The following HMCN2 variants were observed in gnomAD, a reference collection of about 807,000 sequenced individuals.
The protein encoded by HMCN2 is hemicentin-2.
Under a neutral mutation model 377.5 loss-of-function variants are expected in HMCN2, and 325 were observed. The observed-to-expected ratio is 0.86, with a 90% CI of 0.79 to 0.94. The LOEUF is 0.94. Among genes scored for constraint, HMCN2 ranks in the 40% least tolerant of loss-of-function variants. The pLI is 0.00. For missense variants in HMCN2, 4,543 were observed against 4,725.3 expected (o/e 0.96, Z 1.13); for synonymous variants, 2,007 against 2,046.8 (o/e 0.98, Z 0.53).
rs1303167472 is a variant in HMCN2, at chr9:130,403,250, G to T, written c.11935G>T (p.Val3979Leu). The change falls in exon 79 of 98, where the codon GTG becomes TTG. Residue 3979 changes from valine (V) to leucine (L), a missense_variant. Physicochemically the swap from Val to Leu is conservative, Grantham distance 32 (BLOSUM62 1). This residue lies in a region of HMCN2 where 1,073 missense variants were observed against 1,319.5 expected (regional missense o/e 0.81). Transcript: ENST00000683500. The stretch of plus-strand genomic sequence containing the variant: ...GGTTCGGGCAGTGGCAGAGGAGGAG[G>T]TGCTGCTGCCCTGCGAGGCCTCAGG... ...SVVRAVAEEE[V>L]LLPCEASGIP... 1 of 1,289,830 alleles carries T rather than the reference G, an allele frequency of 7.8e-7. No individual in the cohort carries two copies. The highest frequency in any genetic ancestry group is 2.3e-5 in the Admixed American group (1 of 43,558). 79.9% of individuals were successfully genotyped at this position (1,289,830 alleles called of 1,614,324 possible).
chr9:130,350,551 C>T (rs1839654616), intron 29 of HMCN2, among the ~76,000 whole-genome samples: 1 of 147,026 alleles, frequency 6.8e-6, no homozygotes, highest in Admixed American at 6.8e-5. Context: ...AGCAAGACTC[C>T]GTCCAAAAAA....
intron 25 of HMCN2, among the ~76,000 whole-genome samples, chr9:130,345,342 T>TTGTG (rs1554948913): frequency 2.1e-5 from 3 of 144,164 alleles, no homozygotes; most frequent in African/African-American, 2.6e-5. Context: ...GTGTGTATGT[T>TTGTG]TGTGGTGTGT....
chr9:130,367,399 CT>C (rs1840753363), intron 43 of HMCN2, among the ~76,000 whole-genome samples: 1 of 152,126 alleles, frequency 6.6e-6, no homozygotes, highest in Admixed American at 6.5e-5. Context: ...ACTGGGTCTG[CT>C]TCCCTGATGG....
chr9:130,433,148 C>T (rs1844864383), intron 97 of HMCN2, 200 bp from the exon 98 acceptor site: 2 of 493,078 alleles, frequency 4.1e-6, no homozygotes, highest in Non-Finnish European at 3.5e-6. Context: ...CCTCTGGCTT[C>T]TCTGGGCTTC....
At position 130,349,020 on chromosome 9, in the gene HMCN2, G is replaced by C; in HGVS notation, c.4192G>C (p.Gly1398Arg). The change falls in exon 28 of 98, where the codon GGC becomes CGC. Residue 1398 changes from glycine to arginine, a missense_variant. By Grantham distance (125) the Gly-to-Arg change is moderately radical. This residue lies in a region of HMCN2 where 1,032 missense variants were observed against 1,285.1 expected (regional missense o/e 0.80). Coordinates refer to ENST00000683500, the MANE Select transcript of HMCN2 (RefSeq NM_001291815.2). ...GGGCGGCCACCGCCTCCTGGACGAG[G>C]GCCAGTCCCTCCACTTCCCCAGGAT... is the stretch of plus-strand genomic sequence containing the variant. The part of the protein sequence containing the change: ...KVGGHRLLDE[G>R]QSLHFPRIQE... The C allele has an allele frequency of 7.7e-7, 1 of 1,304,152 alleles. No individual in the cohort carries two copies. Among genetic ancestry groups the C allele is most frequent in the Non-Finnish European group, 1.0e-6 (1 of 988,906 alleles). 80.8% of individuals were successfully genotyped at this position (1,304,152 alleles called of 1,614,324 possible).
chr9:130,378,635 G>A (rs547111070), intron 53 of HMCN2, among the ~76,000 whole-genome samples: 78 of 152,068 alleles, frequency 5.1e-4, no homozygotes, highest in African/African-American at 1.8e-3. Flanking sequence ...AGGCAAGCTG[G>A]GCGATGGATA....
chr9:130,405,096 T>C (rs904532782), intron 81 of HMCN2, 37 bp downstream of exon 81: 1 of 1,233,570 alleles, frequency 8.1e-7, no homozygotes, highest in Middle Eastern at 2.2e-4. Flanking sequence ...CAGGGAATAA[T>C]GGCTGAGACC....
intron 23 of HMCN2, among the ~76,000 whole-genome samples, chr9:130,340,088 C>T (rs1838965942): frequency 6.6e-6 from 1 of 152,242 alleles, no homozygotes. Flanking sequence ...GACTCAGTTT[C>T]CCCCTCTGCA....
Position 130,425,676 on chromosome 9 carries a change from T to G in HMCN2, c.13642-11T>G. Reference sequence around the variant, plus strand: ...ACCCCTCCTCCTCCTCCCCTCCTCTTCATCCTGCAGGACTTTGAGGAGCAC... The same window carrying G: ...ACCCCTCCTCCTCCTCCCCTCCTCTGCATCCTGCAGGACTTTGAGGAGCAC... On this transcript the variant is annotated splice_polypyrimidine_tract_variant and intron_variant, in intron 89 of 97. Coordinates refer to ENST00000683500, the MANE Select transcript of HMCN2 (RefSeq NM_001291815.2). 7.8e-7 allele frequency: 1 copy of G among 1,278,046 alleles called. No individual in the cohort carries two copies. Among genetic ancestry groups the G allele is most frequent in the Non-Finnish European group, 1.1e-6 (1 of 934,928 alleles). 79.2% of individuals were successfully genotyped at this position (1,278,046 alleles called of 1,614,324 possible). A position where few individuals can be genotyped will look rare whatever the true frequency, so the allele number is the denominator to read the frequency against.
chr9:130,359,942 A>C (rs1450640155), intron 37 of HMCN2, among the ~76,000 whole-genome samples: 2 of 152,138 alleles, frequency 1.3e-5, no homozygotes, highest in Admixed American at 6.5e-5. Context: ...ATGTCCCGGC[A>C]GGATGCAGGG....
intron 1 of HMCN2, among the ~76,000 whole-genome samples, chr9:130,271,785 C>G (rs1834423885): frequency 6.7e-6 from 1 of 148,958 alleles, no homozygotes. Flanking sequence ...CTTCTAAAAC[C>G]TCCCTTAGCT....
Position 130,307,434 on chromosome 9 carries a change from G to T in HMCN2, c.2087-19G>T. The T allele has an allele frequency of 2.1e-6, 1 of 470,746 alleles. No homozygotes were observed. Among genetic ancestry groups the T allele is most frequent in the Non-Finnish European group, 4.4e-6 (1 of 227,024 alleles). The allele number at this position is 470,746 out of a possible 1,614,324, so 29.2% of individuals were successfully genotyped here. A position where few individuals can be genotyped will look rare whatever the true frequency, so the allele number is the denominator to read the frequency against. On this transcript the variant is annotated intron_variant, in intron 13 of 97. Transcript: ENST00000683500. ...CCTTTGAAGGTTGGTCCCAAATTCT[G>T]CATCTCTTCCCCACACAGACCCACC...
chr9:130,412,950 G>A (rs1193015891), intron 85 of HMCN2, among the ~76,000 whole-genome samples: 1 of 152,090 alleles, frequency 6.6e-6, no homozygotes, highest in African/African-American at 2.4e-5. Context: ...CTTTGTGTGG[G>A]GTAAGGGTCT....
intron 29 of HMCN2, 89 bp downstream of exon 29, chr9:130,349,752 T>G: frequency 8.3e-7 from 1 of 1,206,650 alleles, no homozygotes; most frequent in Non-Finnish European, 1.1e-6. Context: ...GAACTCTTCT[T>G]GGGGAGCTGA....
rs751280342 is a variant in HMCN2 at position 130,402,999 on chromosome 9, A to G, written c.11878+103A>G. On this transcript the variant is annotated intron_variant, in intron 78 of 97. Transcript: ENST00000683500. The stretch of plus-strand genomic sequence containing the variant: ...GGATGGAGGTGAGGCCCCGGGTCTC[A>G]GAGGCCCCGACCTGTCTCCCATGGG... The G allele has an allele frequency of 6.1e-4, 630 of 1,036,626 alleles. 2 individuals carry two copies. The highest frequency in any genetic ancestry group is 2.2e-3 in the South Asian group (155 of 70,144). The allele number at this position is 1,036,626 out of a possible 1,614,324, so 64.2% of individuals were successfully genotyped here.
In HMCN2 at chr9:130,303,367, C is replaced by T; in HGVS notation, c.1422-120C>T. The stretch of plus-strand genomic sequence containing the variant: ...GTGCTTGGCTGTGTATGTCTTCTTA[C>T]CGCATCTCACAGAGGAATTGGGGTC... On this transcript the variant is annotated intron_variant, in intron 9 of 97. Coordinates refer to ENST00000683500, the MANE Select transcript of HMCN2 (RefSeq NM_001291815.2). This position sits in a 1 kb window ranked among gnomAD's most constrained non-coding sequence, Gnocchi z 5.2. 1 of 307,746 alleles carries T rather than the reference C, an allele frequency of 3.2e-6. No homozygotes were observed. The highest frequency in any genetic ancestry group is 6.9e-6 in the Non-Finnish European group (1 of 144,684). The allele number at this position is 307,746 out of a possible 1,614,324, so 19.1% of individuals were successfully genotyped here. A position where few individuals can be genotyped will look rare whatever the true frequency, so the allele number is the denominator to read the frequency against.
At position 130,408,903 on chromosome 9, in the gene HMCN2, G is replaced by A; in HGVS notation, c.12849G>A (p.Gln4283=). ...LRGSHLRHQL[Q]NGSLTIRRTE... ...GCAGCCACCTCCGGCACCAGCTGCA[G>A]AATGGCTCGCTGACCATCCGCAGGA... Residue 4283 remains glutamine (Q), a synonymous_variant, in exon 84 of 98, where the codon CAG becomes CAA. Transcript: ENST00000683500. 7.8e-7 allele frequency: 1 copy of A among 1,289,698 alleles called. No individual in the cohort carries two copies. The highest frequency in any genetic ancestry group is 5.5e-5 in the East Asian group (1 of 18,022). 79.9% of individuals were successfully genotyped at this position (1,289,698 alleles called of 1,614,324 possible). A position where few individuals can be genotyped will look rare whatever the true frequency, so the allele number is the denominator to read the frequency against.
intron 4 of HMCN2, among the ~76,000 whole-genome samples, chr9:130,287,060 A>T (rs557020368): frequency 6.6e-6 from 1 of 152,300 alleles, no homozygotes; most frequent in African/African-American, 2.4e-5. Context: ...TTTCCGTGGT[A>T]TAAATGCTCC....
intron 27 of HMCN2, 121 bp downstream of exon 27, chr9:130,348,796 G>C: frequency 8.0e-7 from 1 of 1,244,944 alleles, no homozygotes; most frequent in Non-Finnish European, 1.0e-6. Context: ...TGTCTTTGGT[G>C]GTGCTCTGGG....
Sources: gnomAD v4.1 joint callset for allele counts (sites outside exome capture counted in the v4.1 genomes callset) on GRCh38, gnomAD v4.1.1 for gene constraint, gnomAD v4.1.1 regional missense constraint, Gnocchi (gnomAD v3.1) non-coding constraint, MANE v1.5 for transcripts, NCBI Gene and HGNC (gene_info 2026-07-23, HGNC 2026-07-21) for gene names.